ANKS1B: variants seen among roughly 807,000 people sequenced by gnomAD.
ANKS1B encodes ankyrin repeat and sterile alpha motif domain containing 1B.
Under a neutral mutation model 148.3 loss-of-function variants are expected in ANKS1B, and 36 were observed. The ratio of observed to expected loss-of-function variants is 0.24; its 90% CI spans 0.19 to 0.32. ANKS1B has a LOEUF of 0.32. Ranked by LOEUF, ANKS1B falls within the 10% of genes least tolerant of loss-of-function variation. The probability of loss-of-function intolerance (pLI) is 1.00; values close to 1 mark genes in which losing one functional copy is unlikely to be tolerated. For missense variants in ANKS1B, 1,157 were observed against 1,542.6 expected (o/e 0.75, Z 4.19); for synonymous variants, 542 against 560.8 (o/e 0.97, Z 0.47).
At chr12:99,469,926 C>G (rs2096210147) in intron 10 of ANKS1B, among the ~76,000 whole-genome samples, 1 of 151,744 alleles carries the variant, frequency 6.6e-6, no homozygotes, top group Non-Finnish European at 1.5e-5. Context: ...TCCAGACAAG[C>G]CTGGGCAACA....
chr12:98,983,885 C>T (rs2099921801), intron 17 of ANKS1B, among the ~76,000 whole-genome samples: 1 of 152,230 alleles, frequency 6.6e-6, no homozygotes, highest in African/African-American at 2.4e-5. Flanking sequence ...CCCTCTGAGT[C>T]AACTTTCTTT....
At chr12:99,395,055 T>C (rs1258504847) in intron 12 of ANKS1B, among the ~76,000 whole-genome samples, 1 of 152,136 alleles carries the variant, frequency 6.6e-6, no homozygotes, top group African/African-American at 2.4e-5. Context: ...ACCATGAAAT[T>C]CCATTGGATC....
intron 14 of ANKS1B, among the ~76,000 whole-genome samples, chr12:99,187,989 TG>T (rs2080099794): frequency 6.6e-6 from 1 of 151,246 alleles, no homozygotes; most frequent in South Asian, 2.1e-4. Flanking sequence ...AATAAAGGGA[TG>T]GGGGAATATT....
chr12:99,058,231 CTTTTTTTTTT>C (rs1032294121), intron 16 of ANKS1B, among the ~76,000 whole-genome samples: 1 of 124,638 alleles, frequency 8.0e-6, no homozygotes, highest in Non-Finnish European at 1.7e-5. Flanking sequence ...CATGCCACAT[CTTTTTTTTTT>C]TTTTTTTTTT....
intron 19 of ANKS1B, among the ~76,000 whole-genome samples, chr12:98,828,233 A>C (rs2099266533): frequency 6.6e-6 from 1 of 152,210 alleles, no homozygotes; most frequent in Admixed American, 6.5e-5. Flanking sequence ...CATGGTTTCC[A>C]GAACATTCTC....
chr12:98,739,620 G>A (rs898046704), downstream of ANKS1B, among the ~76,000 whole-genome samples: 10 of 151,906 alleles, frequency 6.6e-5, no homozygotes, highest in Non-Finnish European at 1.0e-4. Flanking sequence ...TCTGTGTGCT[G>A]TCTTCTGCCA....
chr12:98,849,604 A>G (rs1179165666), intron 17 of ANKS1B, among the ~76,000 whole-genome samples: 1 of 152,246 alleles, frequency 6.6e-6, no homozygotes, highest in Non-Finnish European at 1.5e-5. Context: ...AATTTAAATC[A>G]TGAATTTCAG....
intron 14 of ANKS1B, 55 bp from the exon 15 acceptor site, chr12:99,154,450 A>G (rs1380157192): frequency 6.2e-7 from 1 of 1,613,414 alleles, no homozygotes; most frequent in Non-Finnish European, 8.5e-7. Flanking sequence ...TCCACGGGGT[A>G]ATAGCGGTAG....
At chr12:98,963,323 G>A (rs2153156732) in intron 17 of ANKS1B, among the ~76,000 whole-genome samples, 1 of 152,060 alleles carries the variant, frequency 6.6e-6, no homozygotes, top group East Asian at 1.9e-4. Flanking sequence ...GGGATTACAG[G>A]TGTGCCAACA....
chr12:99,667,197 A>T (rs924468305), intron 8 of ANKS1B, among the ~76,000 whole-genome samples: 5 of 151,836 alleles, frequency 3.3e-5, no homozygotes, highest in African/African-American at 9.7e-5. Flanking sequence ...AATACAAAAA[A>T]GTTTAGCCAG....
intron 12 of ANKS1B, among the ~76,000 whole-genome samples, chr12:99,310,494 A>G (rs867266267): frequency 5.9e-5 from 9 of 152,150 alleles, no homozygotes; most frequent in Non-Finnish European, 5.9e-5. Flanking sequence ...CCCTCTTTCT[A>G]TTAGCGAGGA....
At chr12:99,311,657 A>G (rs181427820) in intron 12 of ANKS1B, among the ~76,000 whole-genome samples, 4 of 152,148 alleles carry the variant, frequency 2.6e-5, no homozygotes, top group Admixed American at 6.6e-5. Flanking sequence ...AATAATCTAC[A>G]TTTTAAAGAA....
intron 1 of ANKS1B, among the ~76,000 whole-genome samples, chr12:99,914,723 AG>A (rs34861434): frequency 6.6e-6 from 1 of 151,994 alleles, no homozygotes; most frequent in Non-Finnish European, 1.5e-5. Flanking sequence ...GGTGATATTT[AG>A]GGGGGTGTAC....
chr12:99,277,655 T>A (rs2077853239), intron 12 of ANKS1B, among the ~76,000 whole-genome samples: 2 of 152,182 alleles, frequency 1.3e-5, no homozygotes, highest in Admixed American at 1.3e-4. Context: ...TGTTCAGTAG[T>A]TTGGGAAGCA....
At chr12:99,854,263 C>T (rs1477955116) in intron 1 of ANKS1B, among the ~76,000 whole-genome samples, 2 of 152,160 alleles carry the variant, frequency 1.3e-5, no homozygotes, top group African/African-American at 2.4e-5. Flanking sequence ...CCACCCATCT[C>T]GGCCTCCCAA....
chr12:99,443,893 G>T, intron 10 of ANKS1B, 84 bp from the exon 11 acceptor site: 1 of 1,473,140 alleles, frequency 6.8e-7, no homozygotes, highest in Non-Finnish European at 9.1e-7. Flanking sequence ...AACATAAATT[G>T]AGATTTCAAC....
chr12:99,843,965 C>G lies in ANKS1B; in HGVS notation c.135-18576G>C, dbSNP rs546661417. On this transcript the variant is annotated intron_variant, in intron 1 of 26. Transcript: ENST00000683438. ...CATTCTTACTGGTGTGAGATGGTAT[C>G]TCATGTCGTTTAGATTTGCATTTCT... Among the ~76,000 whole-genome samples, 3 of 152,156 alleles carry G rather than the reference C, an allele frequency of 2.0e-5. No homozygotes were observed. In the South Asian group the frequency reaches 6.2e-4, roughly 32 times the overall value.
chr12:99,194,915 A>G (rs1422468705), intron 14 of ANKS1B, among the ~76,000 whole-genome samples: 2 of 152,170 alleles, frequency 1.3e-5, no homozygotes, highest in African/African-American at 4.8e-5. Context: ...TGATAGGAAC[A>G]TGGATGTTCA....
At position 99,246,560 on chromosome 12, in the gene ANKS1B, A is replaced by G; in HGVS notation, c.2061T>C (p.Val687=). The G allele has an allele frequency of 6.2e-7, 1 of 1,613,856 alleles. No homozygotes were observed. The highest frequency in any genetic ancestry group is 1.7e-5 in the Admixed American group (1 of 59,962). Residue 687 remains valine, a synonymous_variant, in exon 13 of 27, where the codon GTT becomes GTC. Coordinates refer to ENST00000683438, the MANE Select transcript of ANKS1B (RefSeq NM_001352186.2). Reference sequence around the variant, plus strand: ...ATCCACTCCTGGTTGATCTTGTGCCAACAATGGTATGGTTTTCGAGTTGGT... The same window carrying G: ...ATCCACTCCTGGTTGATCTTGTGCCGACAATGGTATGGTTTTCGAGTTGGT... ...KSNQLENHTI[V]GTRSTRSGSR... is the part of the protein sequence containing the mutation.
Sources: gnomAD v4.1 joint callset for allele counts (sites outside exome capture counted in the v4.1 genomes callset) on GRCh38, gnomAD v4.1.1 for gene constraint, MANE v1.5 for transcripts, NCBI Gene and HGNC (gene_info 2026-07-23, HGNC 2026-07-21) for gene names.